The following RSPH14 variants were observed in gnomAD, a reference collection of about 807,000 sequenced individuals.
RSPH14 encodes the protein radial spoke head 14 homolog.
RSPH14 carries 20 observed loss-of-function variants against 26.7 expected under a neutral mutation model. The observed-to-expected ratio is 0.75, with a 90% CI of 0.53 to 1.09. RSPH14 has a LOEUF of 1.09. Ranked by LOEUF, RSPH14 falls within the 50% of genes least tolerant of loss-of-function variation. RSPH14 has a pLI of 0.00. For missense variants in RSPH14, 449 were observed against 457.2 expected, an observed-to-expected ratio of 0.98 and a Z score of 0.16; for synonymous variants, 177 against 189.3, an observed-to-expected ratio of 0.93 and a Z score of 0.53.
At chr22:23,102,336 A>G (rs994141983) in intron 4 of RSPH14, among the ~76,000 whole-genome samples, 16 of 152,180 alleles carry the variant, frequency 1.1e-4, no homozygotes, top group African/African-American at 3.9e-4. Flanking sequence ...AGAAGGCAGC[A>G]TGTCCTGGCA....
At chr22:23,176,858 C>T in the RSPH14 span, among the ~76,000 whole-genome samples, 2 of 152,322 alleles carry the variant, frequency 1.3e-5, no homozygotes, top group Non-Finnish European at 2.9e-5. Flanking sequence ...ACAGCAGCCA[C>T]GGTGGCCATT....
the RSPH14 span, among the ~76,000 whole-genome samples, chr22:23,175,430 G>T: frequency 6.6e-6 from 1 of 152,008 alleles, no homozygotes; most frequent in African/African-American, 2.4e-5. Context: ...TGCAACCTCC[G>T]CCTACTGGAT....
upstream of RSPH14, among the ~76,000 whole-genome samples, chr22:23,144,425 C>T (rs1255659468): frequency 6.6e-6 from 1 of 152,194 alleles, no homozygotes; most frequent in Non-Finnish European, 1.5e-5. Flanking sequence ...AAAGCACTTT[C>T]ACCATCTCAG....
At chr22:23,089,460 A>G (rs928084053) in intron 4 of RSPH14, among the ~76,000 whole-genome samples, 1 of 152,144 alleles carries the variant, frequency 6.6e-6, no homozygotes, top group Non-Finnish European at 1.5e-5. Flanking sequence ...TATGCCTAGC[A>G]GCAGGCTGAG....
intron 3 of RSPH14, chr22:23,135,876 G>C (rs2070470651): frequency 6.6e-6 from 1 of 152,334 alleles, no homozygotes. Context: ...ACGTCTCTGA[G>C]GGCTGGGTTC....
At chr22:23,113,246 G>C (rs960990770) in intron 4 of RSPH14, among the ~76,000 whole-genome samples, 1 of 152,232 alleles carries the variant, frequency 6.6e-6, no homozygotes, top group African/African-American at 2.4e-5. Context: ...ACCTGGCCCT[G>C]TGCCCAGGCA....
the RSPH14 span, chr22:23,152,651 C>A: frequency 1.1e-6 from 1 of 922,038 alleles, no homozygotes; most frequent in Non-Finnish European, 1.7e-6. Context: ...TGCTGTGCCT[C>A]AGCCTGCTGG....
intron 4 of RSPH14, among the ~76,000 whole-genome samples, chr22:23,126,053 C>A (rs1336520829): frequency 6.6e-6 from 1 of 152,212 alleles, no homozygotes; most frequent in Non-Finnish European, 1.5e-5. Context: ...AGCCAGAACC[C>A]AGAGGGGCTT....
chr22:23,117,278 G>A (rs1434336892), intron 4 of RSPH14, among the ~76,000 whole-genome samples: 1 of 152,184 alleles, frequency 6.6e-6, no homozygotes, highest in Admixed American at 6.5e-5. Context: ...GACACGGTAT[G>A]TTTTAAGTAA....
chr22:23,086,154 G>A (rs1222940954), intron 4 of RSPH14, among the ~76,000 whole-genome samples: 4 of 152,350 alleles, frequency 2.6e-5, no homozygotes, highest in East Asian at 3.9e-4. Context: ...AAGTAAAAAA[G>A]GCAGTCAATT....
the RSPH14 span, among the ~76,000 whole-genome samples, chr22:23,173,497 G>A: frequency 6.6e-6 from 1 of 152,080 alleles, no homozygotes; most frequent in African/African-American, 2.4e-5. Flanking sequence ...CTGGAGTGCA[G>A]GGGTATGATC....
the RSPH14 span, among the ~76,000 whole-genome samples, chr22:23,170,168 C>T: frequency 6.6e-6 from 1 of 151,610 alleles, no homozygotes; most frequent in Non-Finnish European, 1.5e-5. Flanking sequence ...AGAATTGTCA[C>T]ATGACATGGC....
At chr22:23,125,955 A>G (rs115300073) in intron 4 of RSPH14, among the ~76,000 whole-genome samples, 487 of 152,018 alleles carry the variant, frequency 3.2e-3, no homozygotes, top group African/African-American at 0.011. Flanking sequence ...ACGCGCAGAT[A>G]CGCACGCAGC....
intron 4 of RSPH14, among the ~76,000 whole-genome samples, chr22:23,107,899 A>G (rs548170482): frequency 1.3e-5 from 2 of 152,324 alleles, no homozygotes; most frequent in East Asian, 3.9e-4. Context: ...AAGGACACAG[A>G]CCAGCTGTCA....
At chr22:23,065,454 C>T (rs1414535803) in intron 4 of RSPH14, among the ~76,000 whole-genome samples, 1 of 139,566 alleles carries the variant, frequency 7.2e-6, no homozygotes, top group Non-Finnish European at 1.5e-5. Context: ...TGTTTGTTCT[C>T]AGGGCTCTGA....
At chr22:23,171,407 G>A in the RSPH14 span, among the ~76,000 whole-genome samples, 1 of 152,144 alleles carries the variant, frequency 6.6e-6, no homozygotes, top group Non-Finnish European at 1.5e-5. Flanking sequence ...AGAACTCCTA[G>A]ATTCAAGCAA....
At chr22:23,147,735 G>C (rs1283120501), upstream of RSPH14, among the ~76,000 whole-genome samples, 2 of 152,206 alleles carry the variant, frequency 1.3e-5, no homozygotes. Context: ...TAGAAGATAA[G>C]ATACAACGTA....
At chr22:23,150,496 T>G in the RSPH14 span, among the ~76,000 whole-genome samples, 1 of 151,548 alleles carries the variant, frequency 6.6e-6, no homozygotes, top group South Asian at 2.1e-4. Context: ...AGAGACGGGG[T>G]TTCACCATGT....
chr22:23,122,019 C>T (rs542130280), intron 4 of RSPH14, among the ~76,000 whole-genome samples: 19 of 152,320 alleles, frequency 1.2e-4, no homozygotes, highest in Middle Eastern at 3.4e-3. Flanking sequence ...GTGTGAGCCA[C>T]GGCGCCTGGC....
Sources: allele counts gnomAD v4.1 joint callset (sites outside exome capture counted in the v4.1 genomes callset), GRCh38; gene constraint gnomAD v4.1.1; transcripts MANE v1.5; gene names NCBI Gene and HGNC (gene_info 2026-07-23, HGNC 2026-07-21).